The following TENM2 variants were observed in gnomAD, a reference collection of about 807,000 sequenced individuals.
The protein encoded by TENM2 is teneurin-2.
In TENM2, 52 loss-of-function variants were observed where a neutral mutation model predicts 245.2. That is an observed-to-expected ratio of 0.21 (90% confidence interval 0.17 to 0.27). The LOEUF (loss-of-function observed/expected upper bound fraction) is 0.27, where lower values mean the gene tolerates loss of function less well. Ranked by LOEUF, TENM2 falls within the 10% of genes least tolerant of loss-of-function variation. The pLI, the probability that TENM2 is intolerant of heterozygous loss-of-function variation, is 1.00. For synonymous variants in TENM2, 1,363 were observed against 1,438.9 expected (o/e 0.95, Z 1.19); for missense variants, 3,046 against 3,666.8 (o/e 0.83, Z 4.37).
chr5:167,356,654 A>G (rs1295264313), intron 1 of TENM2, among the ~76,000 whole-genome samples: 1 of 152,216 alleles, frequency 6.6e-6, no homozygotes, highest in Non-Finnish European at 1.5e-5. Flanking sequence ...CTGTTTGTGC[A>G]TTCCAGGATG....
Position 168,151,238 on chromosome 5 carries a change from TACTC to T in TENM2, c.2423-11370_2423-11367del, listed in dbSNP as rs563983817. 4.2e-4 allele frequency among the ~76,000 whole-genome samples: 64 copies of T among 152,338 alleles called. 1 individual carries two copies. The highest frequency in any genetic ancestry group is 1.4e-3 in the African/African-American group (59 of 41,576). ...TGTCGCATGCATTATGTGCAGATCT[TACTC>T]ACGTAACTCTCAGGAAATTACCTCA... On this transcript the variant is annotated intron_variant, in intron 12 of 28. Transcript: ENST00000518659.
At chr5:167,668,005 G>C (rs1447902978) in intron 2 of TENM2, among the ~76,000 whole-genome samples, 1 of 152,136 alleles carries the variant, frequency 6.6e-6, no homozygotes, top group Admixed American at 6.6e-5. Flanking sequence ...ATAAGATATT[G>C]ATCTTTCATC....
chr5:167,245,252 C>T, the TENM2 span, among the ~76,000 whole-genome samples: 30,946 of 152,078 alleles, frequency 0.2, 3,522 homozygotes, highest in East Asian at 0.46. Flanking sequence ...CTTGGGCAAA[C>T]GGCAAAGAAA....
At chr5:167,234,370 G>A in the TENM2 span, among the ~76,000 whole-genome samples, 31,694 of 152,094 alleles carry the variant, frequency 0.21, 3,875 homozygotes, top group African/African-American at 0.34. Flanking sequence ...AGTGAAGAAT[G>A]TGTCCTTGAG....
At chr5:167,064,250 G>T in the TENM2 span, among the ~76,000 whole-genome samples, 3 of 152,182 alleles carry the variant, frequency 2.0e-5, no homozygotes, top group Admixed American at 2.0e-4. Flanking sequence ...CCGTTTTCTA[G>T]CCTACAGGCA....
At chr5:167,037,150 A>C in the TENM2 span, among the ~76,000 whole-genome samples, 1 of 152,312 alleles carries the variant, frequency 6.6e-6, no homozygotes. Flanking sequence ...TGGGTGCATA[A>C]TGAATAAATG....
chr5:168,015,173 G>C (rs1182869036), intron 5 of TENM2, among the ~76,000 whole-genome samples: 4 of 152,206 alleles, frequency 2.6e-5, no homozygotes, highest in Non-Finnish European at 5.9e-5. Context: ...GGGAAATTTT[G>C]CTTTTTGTAG....
intron 4 of TENM2, among the ~76,000 whole-genome samples, chr5:167,980,752 T>C (rs796099491): frequency 1.1e-4 from 16 of 152,242 alleles, no homozygotes; most frequent in African/African-American, 3.9e-4. Flanking sequence ...AAGATTGCTG[T>C]GTGCAGCAGG....
At chr5:168,133,794 C>T (rs991890971) in intron 12 of TENM2, among the ~76,000 whole-genome samples, 9 of 152,224 alleles carry the variant, frequency 5.9e-5, no homozygotes, top group South Asian at 2.1e-4. Flanking sequence ...AGACATGGCT[C>T]ATCCATCCAC....
chr5:167,781,202 T>C (rs1228647145), intron 2 of TENM2, among the ~76,000 whole-genome samples: 1 of 152,176 alleles, frequency 6.6e-6, no homozygotes, highest in Non-Finnish European at 1.5e-5. Context: ...TTACAGCTAC[T>C]TGGGAGGCTG....
At chr5:167,976,346 G>GTA (rs370470791) in intron 4 of TENM2, among the ~76,000 whole-genome samples, 93 of 151,912 alleles carry the variant, frequency 6.1e-4, no homozygotes, top group Admixed American at 2.3e-3. Flanking sequence ...GAGAAGAAGG[G>GTA]TATATATATA....
At chr5:167,472,118 A>G (rs1375845895) in intron 2 of TENM2, among the ~76,000 whole-genome samples, 1 of 152,124 alleles carries the variant, frequency 6.6e-6, no homozygotes, top group Non-Finnish European at 1.5e-5. Context: ...CTTCCAGAAC[A>G]GACACTTCCT....
chr5:167,341,247 T>C (rs1758082877), intron 1 of TENM2, among the ~76,000 whole-genome samples: 1 of 152,214 alleles, frequency 6.6e-6, no homozygotes. Flanking sequence ...TTTTATTTTA[T>C]TTTATTTTTA....
intron 20 of TENM2, among the ~76,000 whole-genome samples, chr5:168,213,095 A>C (rs1235415235): frequency 6.6e-6 from 1 of 152,260 alleles, no homozygotes; most frequent in Non-Finnish European, 1.5e-5. Flanking sequence ...ATCTAATTAA[A>C]AAATGGCATG....
At chr5:167,369,582 G>A (rs17068395) in intron 1 of TENM2, among the ~76,000 whole-genome samples, 42,014 of 151,896 alleles carry the variant, frequency 0.28, 6,434 homozygotes, top group African/African-American at 0.41. Context: ...ACGTTGATAC[G>A]GTAGTTGATG....
At chr5:167,534,100 G>A (rs1282585077) in intron 2 of TENM2, among the ~76,000 whole-genome samples, 1 of 152,174 alleles carries the variant, frequency 6.6e-6, no homozygotes, top group Non-Finnish European at 1.5e-5. Context: ...AACTAAAGAT[G>A]CGACCCTGCC....
chr5:167,354,040 G>A (rs779762385), intron 1 of TENM2, among the ~76,000 whole-genome samples: 2 of 152,176 alleles, frequency 1.3e-5, no homozygotes, highest in African/African-American at 2.4e-5. Context: ...ATGGAACTAC[G>A]ACCTTTTCTC....
chr5:167,398,316 T>C (rs1041180491), intron 2 of TENM2, among the ~76,000 whole-genome samples: 2 of 152,050 alleles, frequency 1.3e-5, no homozygotes, highest in African/African-American at 2.4e-5. Context: ...GGATAATAAT[T>C]GTCCCCTTCC....
intron 2 of TENM2, among the ~76,000 whole-genome samples, chr5:167,821,477 G>C (rs745469230): frequency 1.3e-5 from 2 of 152,124 alleles, no homozygotes; most frequent in Non-Finnish European, 2.9e-5. Flanking sequence ...TTGTCCTTTT[G>C]GGGGATGGTT....
Sources: allele counts gnomAD v4.1 joint callset (sites outside exome capture counted in the v4.1 genomes callset), GRCh38; gene constraint gnomAD v4.1.1; transcripts MANE v1.5; gene names NCBI Gene and HGNC (gene_info 2026-07-23, HGNC 2026-07-21).